MAP3K1: variants seen among roughly 807,000 people sequenced by gnomAD.
MAP3K1 encodes mitogen-activated protein kinase kinase kinase 1, also known as MAP/ERK kinase kinase 1.
Under a neutral mutation model 144.2 loss-of-function variants are expected in MAP3K1, and 36 were observed. That is an observed-to-expected ratio of 0.25 (90% CI 0.19 to 0.33). MAP3K1 has a LOEUF of 0.33. Ranked by LOEUF, MAP3K1 falls within the 10% of genes least tolerant of loss-of-function variation. The pLI, the probability that MAP3K1 is intolerant of heterozygous loss-of-function variation, is 1.00. For synonymous variants in MAP3K1, 718 were observed against 688.7 expected, an observed-to-expected ratio of 1.04 and a Z score of -0.67; for missense variants, 1,650 against 1,881.9, an observed-to-expected ratio of 0.88 and a Z score of 2.28.
chr5:56,856,823 C>T (rs1217486048), intron 2 of MAP3K1, 73 bp downstream of exon 2: 1 of 1,473,912 alleles, frequency 6.8e-7, no homozygotes, highest in Non-Finnish European at 9.5e-7. Flanking sequence ...ATAAATAGAT[C>T]CTCTTGTAAG....
intron 1 of MAP3K1, among the ~76,000 whole-genome samples, chr5:56,833,268 A>AC: frequency 6.6e-6 from 1 of 152,366 alleles, no homozygotes; most frequent in East Asian, 1.9e-4. Context: ...CAGGGAAGAG[A>AC]CGCGGCTTCA....
chr5:56,823,677 G>A (rs994788651), intron 1 of MAP3K1, among the ~76,000 whole-genome samples: 13 of 152,224 alleles, frequency 8.5e-5, no homozygotes, highest in African/African-American at 2.4e-4. Flanking sequence ...AATGGCAAAA[G>A]TCTAGACTAT....
At chr5:56,870,837 G>A (rs919210763) in intron 6 of MAP3K1, among the ~76,000 whole-genome samples, 9 of 152,042 alleles carry the variant, frequency 5.9e-5, no homozygotes, top group African/African-American at 7.2e-5. Context: ...AATATGTAGC[G>A]ATAACATCCT....
At chr5:56,848,239 T>C (rs574310662) in intron 1 of MAP3K1, among the ~76,000 whole-genome samples, 9 of 152,350 alleles carry the variant, frequency 5.9e-5, no homozygotes, top group African/African-American at 2.2e-4. Flanking sequence ...TTGGAAGTAA[T>C]AAAAACTTTC....
chr5:56,875,393 A>G (rs1747994312), intron 10 of MAP3K1, 83 bp downstream of exon 10: 1 of 1,460,490 alleles, frequency 6.8e-7, no homozygotes. Flanking sequence ...AAGATACAAT[A>G]AAGCTACTTT....
chr5:56,893,114 T>C (rs1748597911), intron 19 of MAP3K1, among the ~76,000 whole-genome samples: 1 of 152,184 alleles, frequency 6.6e-6, no homozygotes, highest in Non-Finnish European at 1.5e-5. Flanking sequence ...TTAAATTGAC[T>C]CTTCAGTTTT....
Position 56,893,742 on chromosome 5 carries a change from G to A in MAP3K1, c.*62G>A, listed in dbSNP as rs1748620822. On this transcript the variant is annotated 3_prime_UTR_variant, in exon 20 of 20. Coordinates refer to ENST00000399503, the MANE Select transcript of MAP3K1 (RefSeq NM_005921.2). The stretch of plus-strand genomic sequence containing the variant: ...CTCAACAAGAGAAAAAAAACTTGTG[G>A]GGAACCACATTGATATTCTACTGGC... The A allele has an allele frequency of 6.3e-7, 1 of 1,575,744 alleles. No homozygotes were observed. The highest frequency in any genetic ancestry group is 8.7e-7 in the Non-Finnish European group (1 of 1,151,824).
intron 17 of MAP3K1, among the ~76,000 whole-genome samples, chr5:56,886,785 A>G (rs939382669): frequency 6.6e-6 from 1 of 151,670 alleles, no homozygotes; most frequent in Non-Finnish European, 1.5e-5. Flanking sequence ...TTTTTTTTGG[A>G]GACAGGTTCT....
intron 6 of MAP3K1, among the ~76,000 whole-genome samples, chr5:56,871,053 A>G (rs113100851): frequency 4.6e-5 from 7 of 152,164 alleles, no homozygotes; most frequent in African/African-American, 1.7e-4. Flanking sequence ...CCATTGTACT[A>G]TTTATTAGTA....
chr5:56,881,755 T>A lies in MAP3K1; in HGVS notation c.2555T>A (p.Met852Lys), dbSNP rs199798366. Residue 852 changes from methionine (M) to lysine (K), a missense_variant, in exon 14 of 20, where the codon ATG becomes AAG. By Grantham distance (95) the Met-to-Lys change is moderately conservative. Coordinates refer to ENST00000399503, the MANE Select transcript of MAP3K1 (RefSeq NM_005921.2). ...TCCAGTTCCACTCACTTCACCAGGA[T>A]GCGTCGCCGTTTGATGGCTATTGCA... ...SVSSSTHFTR[M>K]RRRLMAIADE... The A allele has an allele frequency of 6.2e-7, 1 of 1,614,154 alleles. No homozygotes were observed. Among genetic ancestry groups the A allele is most frequent in the Admixed American group, 1.7e-5 (1 of 60,012 alleles).
In MAP3K1 at chr5:56,815,768, G is replaced by C; in HGVS notation, c.195G>C (p.Val65=). Reference sequence around the variant, plus strand: ...GGCGGCGGCGGCAGCTGCGCAAAGTGCGGAGTGTGGAGCTGGACCAGCTGC... The same window carrying C: ...GGCGGCGGCGGCAGCTGCGCAAAGTCCGGAGTGTGGAGCTGGACCAGCTGC... ...ADWRRRQLRK[V]RSVELDQLPE... is the part of the protein sequence containing the mutation. The change falls in exon 1 of 20, where the codon GTG becomes GTC. Residue 65 remains valine, a synonymous_variant. Coordinates refer to ENST00000399503, the MANE Select transcript of MAP3K1 (RefSeq NM_005921.2). The C allele has an allele frequency of 7.1e-7, 1 of 1,402,210 alleles. No individual in the cohort carries two copies. The highest frequency in any genetic ancestry group is 9.3e-7 in the Non-Finnish European group (1 of 1,074,292). The allele number at this position is 1,402,210 out of a possible 1,614,324, so 86.9% of individuals were successfully genotyped here. A position where few individuals can be genotyped will look rare whatever the true frequency, so the allele number is the denominator to read the frequency against.
At chr5:56,831,739 CAA>C (rs1468400380) in intron 1 of MAP3K1, among the ~76,000 whole-genome samples, 2 of 152,132 alleles carry the variant, frequency 1.3e-5, no homozygotes, top group African/African-American at 4.8e-5. Flanking sequence ...TTTGACCTCA[CAA>C]GAGTTAAGGA....
At chr5:56,851,734 A>G (rs889246436) in intron 1 of MAP3K1, among the ~76,000 whole-genome samples, 16 of 152,252 alleles carry the variant, frequency 1.1e-4, no homozygotes, top group African/African-American at 3.9e-4. Context: ...CATTGGACCA[A>G]GGAACATTCC....
At chr5:56,816,684 C>T (rs983641091) in intron 1 of MAP3K1, among the ~76,000 whole-genome samples, 7 of 152,174 alleles carry the variant, frequency 4.6e-5, no homozygotes, top group African/African-American at 1.7e-4. Context: ...CGCAGGGCTC[C>T]AGGAGGACGG....
intron 9 of MAP3K1, among the ~76,000 whole-genome samples, 185 bp downstream of exon 9, chr5:56,873,190 T>C (rs1470668832): frequency 6.6e-6 from 1 of 152,220 alleles, no homozygotes; most frequent in Non-Finnish European, 1.5e-5. Context: ...ATTGTACAGC[T>C]TCAACTTCAA....
intron 2 of MAP3K1, among the ~76,000 whole-genome samples, chr5:56,857,213 A>G (rs554652619): frequency 6.6e-6 from 1 of 152,296 alleles, no homozygotes; most frequent in South Asian, 2.1e-4. Flanking sequence ...GCGTTTCTCC[A>G]ACTTTGTTAC....
chr5:56,878,607 G>A (rs79032563), intron 10 of MAP3K1, among the ~76,000 whole-genome samples: 1 of 151,838 alleles, frequency 6.6e-6, no homozygotes, highest in African/African-American at 2.4e-5. Context: ...TTTGTTCTGT[G>A]GGTTGCAACC....
intron 19 of MAP3K1, among the ~76,000 whole-genome samples, chr5:56,891,155 C>T (rs1227247102): frequency 6.7e-6 from 1 of 148,846 alleles, no homozygotes; most frequent in Admixed American, 6.7e-5. Context: ...CACACCCCCC[C>T]CCCCCACACA....
intron 1 of MAP3K1, among the ~76,000 whole-genome samples, chr5:56,849,349 T>TC (rs1259959754): frequency 1.3e-5 from 1 of 79,446 alleles, no homozygotes; most frequent in Non-Finnish European, 3.8e-5. Flanking sequence ...ACCCTCTCTG[T>TC]CTTTAAAAAA....
Sources: gnomAD v4.1 joint callset for allele counts (sites outside exome capture counted in the v4.1 genomes callset) on GRCh38, gnomAD v4.1.1 for gene constraint, MANE v1.5 for transcripts, NCBI Gene and HGNC (gene_info 2026-07-23, HGNC 2026-07-21) for gene names.